The following RYR1 variants were observed in gnomAD, a reference collection of about 807,000 sequenced individuals.
RYR1 encodes ryanodine receptor 1.
Under a neutral mutation model 583.5 loss-of-function variants are expected in RYR1, and 342 were observed. The observed-to-expected ratio is 0.59, with a 90% confidence interval of 0.54 to 0.64. The LOEUF is 0.64. Ranked by LOEUF, RYR1 falls within the 30% of genes least tolerant of loss-of-function variation. The pLI, the probability that RYR1 is intolerant of heterozygous loss-of-function variation, is 0.00. For missense variants in RYR1, 6,032 were observed against 6,917.2 expected (o/e 0.87, Z 4.54); for synonymous variants, 2,791 against 2,822.5 (o/e 0.99, Z 0.35).
chr19:38,537,835 G>A (rs1232230416), intron 83 of RYR1, 45 bp from the exon 84 acceptor site: 2 of 1,564,196 alleles, frequency 1.3e-6, no homozygotes, highest in Admixed American at 3.3e-5. Context: ...CTGTGTCTTG[G>A]CGCATCTGAC....
At chr19:38,576,111 A>AC in intron 97 of RYR1, 150 bp downstream of exon 97, 2 of 831,548 alleles carry the variant, frequency 2.4e-6, no homozygotes, top group Non-Finnish European at 4.1e-6. Flanking sequence ...CCATGGGGAG[A>AC]TGGGCATAGT....
At position 38,523,926 on chromosome 19, in the gene RYR1, A is replaced by G. The variant is rs780823183; in HGVS notation, c.10452A>G (p.Ile3484Met). Residue 3484 changes from isoleucine (I) to methionine (M), a missense_variant, in exon 70 of 106, where the codon ATA becomes ATG. Physicochemically the swap from Ile to Met is conservative, Grantham distance 10. Transcript: ENST00000359596. ...GTCCGGTGAAGCAGGCGGGAGATAT[A>G]CAGGTCAGCCCCACATCTGGGACCT... is the stretch of plus-strand genomic sequence containing the variant. ...NKSKMAKAGDIQSGGSDQERT... is the reference protein window; with the variant it reads ...NKSKMAKAGDMQSGGSDQERT... 1.9e-6 allele frequency: 3 copies of G among 1,613,910 alleles called. No individual in the cohort carries two copies. In the South Asian group the frequency reaches 3.3e-5, roughly 18 times the overall value.
chr19:38,444,028 G>T lies in RYR1; in HGVS notation c.425-121G>T, dbSNP rs993105903. Reference sequence around the variant, plus strand: ...GGGAACTGTTAGGCAGAGAGTTGGTGGCAGTGATAGGAGAGTTGTGGGCCA... The same window carrying T: ...GGGAACTGTTAGGCAGAGAGTTGGTTGCAGTGATAGGAGAGTTGTGGGCCA... On this transcript the variant is annotated intron_variant, in intron 5 of 105. Coordinates refer to ENST00000359596, the MANE Select transcript of RYR1 (RefSeq NM_000540.3). The surrounding 1 kb of genome is among the most constrained non-coding windows in gnomAD (Gnocchi z 5.1). The T allele has an allele frequency of 1.1e-6, 1 of 885,150 alleles. No homozygotes were observed. Among genetic ancestry groups the T allele is most frequent in the Non-Finnish European group, 1.9e-6 (1 of 532,844 alleles). The allele number at this position is 885,150 out of a possible 1,614,324, so 54.8% of individuals were successfully genotyped here.
chr19:38,561,467 G>C lies in RYR1; in HGVS notation c.12624+13G>C. The C allele has an allele frequency of 6.2e-7, 1 of 1,600,912 alleles. No homozygotes were observed. Among genetic ancestry groups the C allele is most frequent in the Non-Finnish European group, 8.5e-7 (1 of 1,176,042 alleles). ...GGAGATGCCCCAGGTCAGGGAACCCGCGCGCGTGCAAGCTCGCCTCCTGGG... is the reference window on the plus strand; with the variant it reads ...GGAGATGCCCCAGGTCAGGGAACCCCCGCGCGTGCAAGCTCGCCTCCTGGG... On this transcript the variant is annotated intron_variant, in intron 90 of 105. Coordinates refer to ENST00000359596, the MANE Select transcript of RYR1 (RefSeq NM_000540.3). This position sits in a 1 kb window ranked among gnomAD's most constrained non-coding sequence, Gnocchi z 4.8.
intron 67 of RYR1, among the ~76,000 whole-genome samples, chr19:38,520,800 A>G (rs531276961): frequency 6.6e-6 from 1 of 152,154 alleles, no homozygotes; most frequent in East Asian, 1.9e-4. Flanking sequence ...TTCAATCAGT[A>G]AATATGAACA....
intron 38 of RYR1, among the ~76,000 whole-genome samples, chr19:38,493,801 T>C (rs145582233): frequency 0.018 from 2,720 of 152,252 alleles, 87 homozygotes; most frequent in African/African-American, 0.062. Flanking sequence ...ATTACGGCTG[T>C]GAGCCACCGC....
Position 38,523,227 on chromosome 19 carries a change from G to A in RYR1, c.10358G>A (p.Arg3453His), listed in dbSNP as rs187802601. 1.4e-5 allele frequency: 23 copies of A among 1,614,196 alleles called. No individual in the cohort carries two copies. The Admixed American group carries it at 1.5e-4, about 11-fold the overall frequency. The change falls in exon 69 of 106, where the codon CGC becomes CAC. Residue 3453 changes from arginine to histidine, a missense_variant. Physicochemically the swap from Arg to His is conservative, Grantham distance 29. This residue lies in a region of RYR1 where 1,493 missense variants were observed against 1,715.5 expected (regional missense o/e 0.87). Coordinates refer to ENST00000359596, the MANE Select transcript of RYR1 (RefSeq NM_000540.3). ...TGCTTCCCCCACCAGAACTTCAAGC[G>A]CGAGGAGCAGAACTTTGTGGTCCAG... Reference protein sequence around the residue: ...IYWSKSHNFKREEQNFVVQNE... With the variant: ...IYWSKSHNFKHEEQNFVVQNE...
At chr19:38,458,025 C>T (rs1967508662) in intron 17 of RYR1, 26 bp from the exon 18 acceptor site, 1 of 1,611,926 alleles carries the variant, frequency 6.2e-7, no homozygotes, top group African/African-American at 1.3e-5. Context: ...CCGTCATCCC[C>T]CTCTCCTGTC....
chr19:38,530,282 C>T (rs1971673244), intron 76 of RYR1, among the ~76,000 whole-genome samples: 2 of 151,678 alleles, frequency 1.3e-5, no homozygotes, highest in African/African-American at 4.8e-5. Context: ...GAAGATCTTG[C>T]TCTTCTTGCC....
chr19:38,501,028 T>A, intron 47 of RYR1, 38 bp downstream of exon 47: 1 of 1,604,326 alleles, frequency 6.2e-7, no homozygotes, highest in Non-Finnish European at 8.5e-7. Context: ...CCTCCCCACT[T>A]CCACAGAGGG....
At chr19:38,508,935 C>T (rs1299260898) in intron 58 of RYR1, among the ~76,000 whole-genome samples, 1 of 152,136 alleles carries the variant, frequency 6.6e-6, no homozygotes, top group Non-Finnish European at 1.5e-5. Flanking sequence ...GAGAACTGGG[C>T]AGATTTCTGG....
chr19:38,548,304 A>G lies in RYR1; in HGVS notation c.12166A>G (p.Met4056Val). ...MLVESSSNVEMILKFFDMFLK... is the reference protein window; with the variant it reads ...MLVESSSNVEVILKFFDMFLK... The stretch of plus-strand genomic sequence containing the variant: ...CGTGGAATCCTCATCCAATGTGGAG[A>G]TGATCCTCAAGTTCTTCGACATGTT... Residue 4056 changes from methionine to valine, a missense_variant, in exon 89 of 106, where the codon ATG becomes GTG. This residue lies in a region of RYR1 where 753 missense variants were observed against 759.6 expected (regional missense o/e 0.99). Coordinates refer to ENST00000359596, the MANE Select transcript of RYR1 (RefSeq NM_000540.3). 1.2e-6 allele frequency: 2 copies of G among 1,614,192 alleles called. No individual in the cohort carries two copies. Among genetic ancestry groups the G allele is most frequent in the Non-Finnish European group, 1.7e-6 (2 of 1,180,042 alleles).
chr19:38,523,551 CCTT>C, intron 69 of RYR1: 1 of 608,104 alleles, frequency 1.6e-6, no homozygotes, highest in Non-Finnish European at 2.9e-6. Context: ...ATCTCTGTCT[CCTT>C]CCTCCTCCTG....
chr19:38,514,787 T>G (rs757587110), intron 63 of RYR1, among the ~76,000 whole-genome samples: 8 of 152,114 alleles, frequency 5.3e-5, no homozygotes, highest in Non-Finnish European at 1.2e-4. Flanking sequence ...GTAACTCATT[T>G]GATACTCACG....
At chr19:38,574,355 C>T (rs886329210) in intron 96 of RYR1, among the ~76,000 whole-genome samples, 2 of 151,000 alleles carry the variant, frequency 1.3e-5, no homozygotes, top group African/African-American at 4.9e-5. Flanking sequence ...CAGTGGCTCA[C>T]GCCTGTAATC....
chr19:38,518,044 A>T (rs1047564169), intron 66 of RYR1, among the ~76,000 whole-genome samples: 2 of 152,124 alleles, frequency 1.3e-5, no homozygotes, highest in African/African-American at 4.8e-5. Context: ...TCTTGAGCCC[A>T]GGAGTTGGAG....
At chr19:38,583,983 T>A (rs1180056614) in intron 101 of RYR1, among the ~76,000 whole-genome samples, 1 of 151,990 alleles carries the variant, frequency 6.6e-6, no homozygotes, top group African/African-American at 2.4e-5. Context: ...CAGGATGTAC[T>A]CTTTCCTCAC....
rs1568469705 is a variant in RYR1, at chr19:38,473,508, C to T, written c.3897C>T (p.His1299=). Residue 1299 remains histidine, a synonymous_variant, in exon 28 of 106, where the codon CAC becomes CAT. Coordinates refer to ENST00000359596, the MANE Select transcript of RYR1 (RefSeq NM_000540.3). ...RLSLPVQFHQ[H]FRCTAGATPL... ...GCCTCCCAGTCCAGTTCCACCAGCACTTCCGCTGCACTGCAGGGGCCACCC... is the reference window on the plus strand; with the variant it reads ...GCCTCCCAGTCCAGTTCCACCAGCATTTCCGCTGCACTGCAGGGGCCACCC... 1 of 1,613,534 alleles carries T rather than the reference C, an allele frequency of 6.2e-7. No individual in the cohort carries two copies. Among genetic ancestry groups the T allele is most frequent in the Non-Finnish European group, 8.5e-7 (1 of 1,179,806 alleles).
intron 11 of RYR1, among the ~76,000 whole-genome samples, chr19:38,451,502 G>T (rs1967073398): frequency 6.6e-6 from 1 of 151,958 alleles, no homozygotes; most frequent in South Asian, 2.1e-4. Flanking sequence ...AGAGGGAGAG[G>T]CAGGGACAGA....
Sources: gnomAD v4.1 joint callset for allele counts (sites outside exome capture counted in the v4.1 genomes callset) on GRCh38, gnomAD v4.1.1 for gene constraint, gnomAD v4.1.1 regional missense constraint, Gnocchi (gnomAD v3.1) non-coding constraint, MANE v1.5 for transcripts, NCBI Gene and HGNC (gene_info 2026-07-23, HGNC 2026-07-21) for gene names.